The following GULP1 variants were observed in gnomAD, a reference collection of about 807,000 sequenced individuals.
GULP1 encodes PTB domain-containing engulfment adapter protein 1.
In GULP1, 19 loss-of-function variants were observed where a neutral mutation model predicts 40.9. The observed-to-expected ratio is 0.46, with a 90% CI of 0.32 to 0.68. The LOEUF is 0.68. Ranked by LOEUF, GULP1 falls within the 30% of genes least tolerant of loss-of-function variation. The pLI is 0.03. For missense variants in GULP1, 312 were observed against 362.2 expected (o/e 0.86, Z 1.12); for synonymous variants, 119 against 117.6 (o/e 1.01, Z -0.08).
intron 1 of GULP1, among the ~76,000 whole-genome samples, chr2:188,331,546 G>A (rs1187907624): frequency 1.3e-5 from 2 of 152,146 alleles, no homozygotes; most frequent in Non-Finnish European, 2.9e-5. Flanking sequence ...CAGGGATGGA[G>A]TTCAGCAAAT....
intron 8 of GULP1, 143 bp downstream of exon 8, chr2:188,569,498 T>C (rs1698565170): frequency 3.0e-6 from 2 of 666,422 alleles, no homozygotes; most frequent in Non-Finnish European, 5.4e-6. Context: ...GTTCCCATAA[T>C]TTTTCGTTCC....
intron 2 of GULP1, among the ~76,000 whole-genome samples, chr2:188,430,441 A>G (rs1355426798): frequency 6.6e-6 from 1 of 152,196 alleles, no homozygotes; most frequent in East Asian, 1.9e-4. Context: ...CTTGATGAAA[A>G]GAGAATGTGA....
intron 1 of GULP1, among the ~76,000 whole-genome samples, chr2:188,298,486 G>A: frequency 6.6e-6 from 1 of 152,190 alleles, no homozygotes; most frequent in Non-Finnish European, 1.5e-5. Context: ...AATGGCAAAA[G>A]TCTATTGGTA....
At chr2:188,495,612 G>A (rs1355842749) in intron 4 of GULP1, among the ~76,000 whole-genome samples, 4 of 151,970 alleles carry the variant, frequency 2.6e-5, no homozygotes, top group Non-Finnish European at 4.4e-5. Flanking sequence ...GAGCCTCATC[G>A]AAATGAATTA....
chr2:188,358,176 A>G (rs1236152862), intron 1 of GULP1, among the ~76,000 whole-genome samples: 2 of 152,128 alleles, frequency 1.3e-5, no homozygotes, highest in Non-Finnish European at 2.9e-5. Context: ...GCGAGACTCC[A>G]TCTCAAACAA....
chr2:188,543,580 C>T (rs921744392), intron 7 of GULP1, among the ~76,000 whole-genome samples: 7 of 152,048 alleles, frequency 4.6e-5, no homozygotes, highest in Non-Finnish European at 7.4e-5. Flanking sequence ...TTATGTAATT[C>T]TCATTTTAAA....
At chr2:188,549,653 C>T (rs1214969688) in intron 7 of GULP1, among the ~76,000 whole-genome samples, 1 of 151,704 alleles carries the variant, frequency 6.6e-6, no homozygotes, top group Non-Finnish European at 1.5e-5. Flanking sequence ...GAAATCAAAA[C>T]TTAAAATGTT....
intron 4 of GULP1, among the ~76,000 whole-genome samples, chr2:188,496,764 A>G (rs141364816): frequency 0.023 from 3,526 of 151,984 alleles, 67 homozygotes; most frequent in Non-Finnish European, 0.039. Context: ...TTGGAGGTGA[A>G]GCCTGATGGG....
intron 2 of GULP1, among the ~76,000 whole-genome samples, chr2:188,453,501 A>C (rs2059006706): frequency 6.6e-6 from 1 of 151,106 alleles, no homozygotes; most frequent in Admixed American, 6.6e-5. Flanking sequence ...CAGCACCCCT[A>C]TCAAGATTTT....
chr2:188,421,746 C>T (rs993973047), intron 2 of GULP1, among the ~76,000 whole-genome samples: 4 of 152,056 alleles, frequency 2.6e-5, no homozygotes, highest in African/African-American at 9.7e-5. Flanking sequence ...TGGGCCACTC[C>T]AATGCCTGCT....
At chr2:188,403,620 T>A (rs946800495) in intron 2 of GULP1, among the ~76,000 whole-genome samples, 4 of 152,058 alleles carry the variant, frequency 2.6e-5, no homozygotes, top group Non-Finnish European at 4.4e-5. Context: ...GACCAAAAAG[T>A]ATGAGATATC....
chr2:188,593,298 T>A (rs12693504), intron 11 of GULP1: 140,181 of 152,120 alleles, frequency 0.92, 64,665 homozygotes, highest in East Asian at 1. Context: ...AAACACTTTC[T>A]TAGCAATTGT....
chr2:188,324,042 T>C (rs1462135002), intron 1 of GULP1, among the ~76,000 whole-genome samples: 1 of 152,110 alleles, frequency 6.6e-6, no homozygotes, highest in Admixed American at 6.6e-5. Context: ...TTCTTATATT[T>C]TCAAAACCAT....
chr2:188,450,337 A>C (rs1057337990), intron 2 of GULP1, among the ~76,000 whole-genome samples: 1 of 152,180 alleles, frequency 6.6e-6, no homozygotes, highest in African/African-American at 2.4e-5. Context: ...TATAATAAAT[A>C]ACAGTTAAGT....
At chr2:188,308,250 A>G (rs2037474023) in intron 1 of GULP1, among the ~76,000 whole-genome samples, 1 of 152,226 alleles carries the variant, frequency 6.6e-6, no homozygotes, top group Non-Finnish European at 1.5e-5. Context: ...CATCATGGAC[A>G]GAATCTGTTT....
intron 1 of GULP1, among the ~76,000 whole-genome samples, chr2:188,309,312 G>A (rs2037670901): frequency 2.0e-5 from 3 of 151,850 alleles, no homozygotes; most frequent in Admixed American, 6.6e-5. Flanking sequence ...CAAAAAATAC[G>A]AAAAATAGCC....
intron 4 of GULP1, among the ~76,000 whole-genome samples, chr2:188,511,671 T>TTA (rs1559327369): frequency 1.3e-5 from 2 of 152,100 alleles, no homozygotes; most frequent in Non-Finnish European, 2.9e-5. Context: ...TGTTTGGACT[T>TTA]AAACATGGAA....
At chr2:188,559,229 C>G (rs910712905) in intron 7 of GULP1, among the ~76,000 whole-genome samples, 2 of 152,210 alleles carry the variant, frequency 1.3e-5, no homozygotes, top group Non-Finnish European at 2.9e-5. Flanking sequence ...GAGTTGGTGC[C>G]CTGCATCCCA....
At chr2:188,455,303 A>C (rs928591085) in intron 2 of GULP1, among the ~76,000 whole-genome samples, 14 of 152,182 alleles carry the variant, frequency 9.2e-5, no homozygotes, top group Admixed American at 5.2e-4. Context: ...ATTGTAAGTG[A>C]ATATTCATGT....
Sources: gnomAD v4.1 joint callset for allele counts (sites outside exome capture counted in the v4.1 genomes callset) on GRCh38, gnomAD v4.1.1 for gene constraint, MANE v1.5 for transcripts, NCBI Gene and HGNC (gene_info 2026-07-23, HGNC 2026-07-21) for gene names.